Variants in ATP6V0A4 observed in about 807,000 individuals in gnomAD.
ATP6V0A4 encodes the protein V-type proton ATPase 116 kDa subunit a 4.
ATP6V0A4 carries 86 observed loss-of-function variants against 107.3 expected under a neutral mutation model. The ratio of observed to expected loss-of-function variants is 0.80; its 90% confidence interval spans 0.67 to 0.96. The LOEUF (loss-of-function observed/expected upper bound fraction) is 0.96. Among genes scored for constraint, ATP6V0A4 ranks in the 40% least tolerant of loss-of-function variants. The pLI, the probability that ATP6V0A4 is intolerant of heterozygous loss-of-function variation, is 0.00. For synonymous variants in ATP6V0A4, 353 were observed against 381.4 expected, an observed-to-expected ratio of 0.93 and a Z score of 0.87; for missense variants, 908 against 1,045.6, an observed-to-expected ratio of 0.87 and a Z score of 1.81.
At chr7:138,711,026 A>G (rs991936680) in intron 20 of ATP6V0A4, among the ~76,000 whole-genome samples, 2 of 152,214 alleles carry the variant, frequency 1.3e-5, no homozygotes, top group Non-Finnish European at 2.9e-5. Flanking sequence ...CGAAAAGTTC[A>G]GGGGCAAATG....
At position 138,706,513 on chromosome 7, in the gene ATP6V0A4, G is replaced by A. The variant is rs75920897; in HGVS notation, c.*111C>T. The A allele has an allele frequency of 3.9e-6, 5 of 1,296,080 alleles. No homozygotes were observed. The highest frequency in any genetic ancestry group is 5.4e-6 in the Non-Finnish European group (5 of 917,454). 80.3% of individuals were successfully genotyped at this position (1,296,080 alleles called of 1,614,324 possible). ...AATAATACACAGTTTCATGCTTCAGGTGAGCCAAGAACAACCTTCCCATTG... is the reference window on the plus strand; with the variant it reads ...AATAATACACAGTTTCATGCTTCAGATGAGCCAAGAACAACCTTCCCATTG... On this transcript the variant is annotated 3_prime_UTR_variant, in exon 22 of 22. Transcript: ENST00000310018.
At chr7:138,781,322 CT>C (rs113113605) in intron 2 of ATP6V0A4, among the ~76,000 whole-genome samples, 287 of 148,186 alleles carry the variant, frequency 1.9e-3, no homozygotes, top group African/African-American at 3.9e-3. Context: ...TTCAGATTTT[CT>C]TTTTTTTTTT....
chr7:138,790,518 C>A (rs766458000), intron 1 of ATP6V0A4, among the ~76,000 whole-genome samples: 1 of 152,220 alleles, frequency 6.6e-6, no homozygotes, highest in Non-Finnish European at 1.5e-5. Context: ...TGGTCTCAAA[C>A]TCCTGACCTC....
chr7:138,741,602 A>G (rs1805637083), intron 14 of ATP6V0A4, among the ~76,000 whole-genome samples: 1 of 152,226 alleles, frequency 6.6e-6, no homozygotes, highest in Non-Finnish European at 1.5e-5. Context: ...ATACCTCGAT[A>G]CAGGCAAAAA....
chr7:138,717,909 GAAAA>G lies in ATP6V0A4; in HGVS notation c.2140-2032_2140-2029del, dbSNP rs55813379. Among the ~76,000 whole-genome samples, 131 of 70,934 alleles carry G rather than the reference GAAAA, an allele frequency of 1.8e-3. 2 individuals carry two copies. Among genetic ancestry groups the G allele is most frequent in the African/African-American group, 5.8e-3 (107 of 18,404 alleles). The allele number at this position is 70,934 out of a possible 152,430, so 46.5% of individuals were successfully genotyped here. ...GGCGACACAGTGAGACTCTGTCTCGGAAAAAAAAAAAAAAAAAAAAAGAGTGAGA... is the reference window on the plus strand; with the variant it reads ...GGCGACACAGTGAGACTCTGTCTCGGAAAAAAAAAAAAAAAAAGAGTGAGA... On this transcript the variant is annotated intron_variant, in intron 19 of 21. Coordinates refer to ENST00000310018, the MANE Select transcript of ATP6V0A4 (RefSeq NM_020632.3).
chr7:138,730,187 C>T (rs537476872), intron 17 of ATP6V0A4, among the ~76,000 whole-genome samples: 278 of 152,286 alleles, frequency 1.8e-3, no homozygotes, highest in Non-Finnish European at 3.2e-3. Context: ...CCTGGCCTCA[C>T]TCTACTTTTA....
intron 5 of ATP6V0A4, among the ~76,000 whole-genome samples, chr7:138,763,974 AAATATATATATATATATATG>A (rs1806958804): frequency 7.0e-6 from 1 of 143,590 alleles, no homozygotes; most frequent in Non-Finnish European, 1.5e-5. Context: ...CTCAAAAAAA[AAATATATATATATATATATG>A]TATATATATA....
At chr7:138,784,243 TATATATATAC>T (rs1261960917) in intron 2 of ATP6V0A4, among the ~76,000 whole-genome samples, 41 of 33,526 alleles carry the variant, frequency 1.2e-3, no homozygotes, top group African/African-American at 4.5e-3. Context: ...TACGTATATA[TATATATATAC>T]ATATATATAT....
chr7:138,784,226 ATATATATACG>A (rs1246724176), intron 2 of ATP6V0A4, among the ~76,000 whole-genome samples: 1,671 of 55,288 alleles, frequency 0.03, 78 homozygotes, highest in African/African-American at 0.12. Flanking sequence ...ATATATATAT[ATATATATACG>A]TATATATATA....
chr7:138,796,646 G>A (rs1808678405), intron 1 of ATP6V0A4, among the ~76,000 whole-genome samples: 1 of 147,372 alleles, frequency 6.8e-6, no homozygotes, highest in Non-Finnish European at 1.5e-5. Context: ...CAGCCCAAAT[G>A]TCACTTTCTC....
chr7:138,747,391 A>G (rs770134876), intron 13 of ATP6V0A4, 34 bp downstream of exon 13: 1 of 1,606,594 alleles, frequency 6.2e-7, no homozygotes, highest in Non-Finnish European at 8.5e-7. Context: ...TATTCTGAAA[A>G]TGAATCAGGG....
chr7:138,741,243 C>T (rs1805619665), intron 14 of ATP6V0A4, among the ~76,000 whole-genome samples: 1 of 152,196 alleles, frequency 6.6e-6, no homozygotes, highest in South Asian at 2.1e-4. Flanking sequence ...CTCCCTTCTG[C>T]AGTGAGGTGC....
At chr7:138,713,236 C>T (rs1250580013) in intron 20 of ATP6V0A4, among the ~76,000 whole-genome samples, 21 of 137,518 alleles carry the variant, frequency 1.5e-4, no homozygotes, top group Admixed American at 8.9e-4. Flanking sequence ...ACCTGGGAGG[C>T]GGAGGTTGCA....
chr7:138,773,477 T>C lies in ATP6V0A4; in HGVS notation c.-17-2213A>G, dbSNP rs984364251. 6.6e-6 allele frequency among the ~76,000 whole-genome samples: 1 copy of C among 152,058 alleles called. No homozygotes were observed. Among genetic ancestry groups the C allele is most frequent in the Non-Finnish European group, 1.5e-5 (1 of 67,992 alleles). On this transcript the variant is annotated intron_variant, in intron 2 of 21. Transcript: ENST00000310018. The surrounding 1 kb of genome is among the most constrained non-coding windows in gnomAD (Gnocchi z 5.4). Reference sequence around the variant, plus strand: ...CTACATGCCCCCAGAAGAGCAATCATTTGCAATCGCTTGTTTAACTGCCTG... The same window carrying C: ...CTACATGCCCCCAGAAGAGCAATCACTTGCAATCGCTTGTTTAACTGCCTG...
chr7:138,739,077 C>T (rs1187667923), intron 15 of ATP6V0A4, among the ~76,000 whole-genome samples: 5 of 152,088 alleles, frequency 3.3e-5, no homozygotes, highest in African/African-American at 1.2e-4. Context: ...TAAAATGAAG[C>T]AAATACCTTT....
rs1374364345 is a variant in ATP6V0A4, at chr7:138,773,291, C to A, written c.-17-2027G>T. 6.6e-6 allele frequency among the ~76,000 whole-genome samples: 1 copy of A among 152,126 alleles called. No homozygotes were observed. The highest frequency in any genetic ancestry group is 1.9e-4 in the East Asian group (1 of 5,182). Reference sequence around the variant, plus strand: ...GCTCCCACCCCCTTCAGGCCCTTCGCCCAGGCTTTCCCCTGGGTTTGGAAA... The same window carrying A: ...GCTCCCACCCCCTTCAGGCCCTTCGACCAGGCTTTCCCCTGGGTTTGGAAA... On this transcript the variant is annotated intron_variant, in intron 2 of 21. Transcript: ENST00000310018. The surrounding 1 kb of genome is among the most constrained non-coding windows in gnomAD (Gnocchi z 5.4).
At chr7:138,797,933 G>A in intron 1 of ATP6V0A4, 101 bp downstream of exon 1, 1 of 1,519,070 alleles carries the variant, frequency 6.6e-7, no homozygotes. Context: ...GACAGGCCAA[G>A]TTTCCTTTGC....
Position 138,732,864 on chromosome 7 carries a change from A to AT in ATP6V0A4, c.1908+12dup, listed in dbSNP as rs398111944. 6.3e-7 allele frequency: 1 copy of AT among 1,580,522 alleles called. No individual in the cohort carries two copies. Among genetic ancestry groups the AT allele is most frequent in the South Asian group, 1.2e-5 (1 of 85,712 alleles). ...ATAAAAGAAGAGTAAAAAAAAAAAA[A>AT]TAGCAGAAATACCTGATGTTTGTAG... On this transcript the variant is annotated intron_variant, in intron 17 of 21. Coordinates refer to ENST00000310018, the MANE Select transcript of ATP6V0A4 (RefSeq NM_020632.3).
chr7:138,757,175 C>T (rs1303729127), intron 8 of ATP6V0A4, among the ~76,000 whole-genome samples: 1 of 152,154 alleles, frequency 6.6e-6, no homozygotes, highest in Non-Finnish European at 1.5e-5. Flanking sequence ...TGAGCTGAAA[C>T]AATGCATTCT....
Sources: allele counts gnomAD v4.1 joint callset (sites outside exome capture counted in the v4.1 genomes callset), GRCh38; gene constraint gnomAD v4.1.1; non-coding constraint Gnocchi (gnomAD v3.1); transcripts MANE v1.5; gene names NCBI Gene and HGNC (gene_info 2026-07-23, HGNC 2026-07-21).